Variants in PCDHGB2 observed in about 807,000 individuals in gnomAD.
PCDHGB2 encodes protocadherin gamma-B2.
In PCDHGB2, 55 loss-of-function variants were observed where a neutral mutation model predicts 59.3. The observed-to-expected ratio is 0.93, with a 90% CI of 0.75 to 1.16. The LOEUF (loss-of-function observed/expected upper bound fraction) is 1.16, where lower values mean the gene tolerates loss of function less well. Among genes scored for constraint, PCDHGB2 ranks in the 50% most tolerant of loss-of-function variants. The pLI is 0.00. For missense variants in PCDHGB2, 1,228 were observed against 1,198.5 expected, an observed-to-expected ratio of 1.02 and a Z score of -0.36; for synonymous variants, 516 against 512.0, an observed-to-expected ratio of 1.01 and a Z score of -0.11.
chr5:141,433,199 ATCT>A (rs1202688924), intron 1 of PCDHGB2: 4 of 1,579,570 alleles, frequency 2.5e-6, no homozygotes, highest in East Asian at 2.2e-5. Context: ...TTTATATCAA[ATCT>A]TCTTTCTTTT....
chr5:141,469,747 C>T (rs1392088794), intron 1 of PCDHGB2, among the ~76,000 whole-genome samples: 1 of 152,134 alleles, frequency 6.6e-6, no homozygotes, highest in Non-Finnish European at 1.5e-5. Context: ...TCAAAAATTA[C>T]AAAAATACAT....
chr5:141,409,060 G>C (rs1464240645), intron 1 of PCDHGB2: 1 of 1,614,000 alleles, frequency 6.2e-7, no homozygotes, highest in Non-Finnish European at 8.5e-7. Flanking sequence ...GCACTGCCCA[G>C]AGCACAAAAC....
At chr5:141,392,820 G>T in intron 1 of PCDHGB2, 1 of 1,592,868 alleles carries the variant, frequency 6.3e-7, no homozygotes. Flanking sequence ...AACAATGGCC[G>T]CTCCACAGAG....
intron 1 of PCDHGB2, among the ~76,000 whole-genome samples, chr5:141,456,363 G>A (rs1233146015): frequency 6.6e-6 from 1 of 152,098 alleles, no homozygotes; most frequent in African/African-American, 2.4e-5. Flanking sequence ...GTCCATGTGT[G>A]GTTCAGTTTA....
chr5:141,413,588 A>G, intron 1 of PCDHGB2: 1 of 1,613,922 alleles, frequency 6.2e-7, no homozygotes, highest in Non-Finnish European at 8.5e-7. Context: ...CCAAAATTCC[A>G]AGCAGAAAAT....
chr5:141,383,098 A>T, intron 1 of PCDHGB2: 2 of 1,613,954 alleles, frequency 1.2e-6, no homozygotes, highest in Non-Finnish European at 1.7e-6. Context: ...AGTCCGCATC[A>T]TCTCCAGAGG....
chr5:141,411,299 G>C (rs1020908131), intron 1 of PCDHGB2: 1 of 152,284 alleles, frequency 6.6e-6, no homozygotes, highest in Non-Finnish European at 1.5e-5. Context: ...GACAGGCCCA[G>C]TGGCTCACAC....
At position 141,362,368 on chromosome 5, in the gene PCDHGB2, G is replaced by A. The variant is rs751597172; in HGVS notation, c.2233G>A (p.Glu745Lys). The change falls in exon 1 of 4, where the codon GAG becomes AAG. Residue 745 changes from glutamate (E) to lysine (K), a missense_variant. Physicochemically the swap from Glu to Lys is moderately conservative, Grantham distance 56 (BLOSUM62 1). Around this residue, in one of 3 missense-constraint regions of PCDHGB2, gnomAD observed 433 missense variants for 441.8 expected, o/e 0.98. Coordinates refer to ENST00000522605, the MANE Select transcript of PCDHGB2 (RefSeq NM_018923.3). ...PGPGVLPNYSEGTLPYSYNLC... is the reference protein window; with the variant it reads ...PGPGVLPNYSKGTLPYSYNLC... ...ACCTGGGGTTCTCCCCAATTACAGT[G>A]AGGGTACATTGCCCTATTCCTACAA... 6.2e-7 allele frequency: 1 copy of A among 1,613,950 alleles called. No homozygotes were observed. Among genetic ancestry groups the A allele is most frequent in the Non-Finnish European group, 8.5e-7 (1 of 1,179,906 alleles).
At chr5:141,413,001 G>C in intron 1 of PCDHGB2, 1 of 592,908 alleles carries the variant, frequency 1.7e-6, no homozygotes, top group Non-Finnish European at 2.8e-6. Flanking sequence ...CGGATTCTCA[G>C]GGCTTCAACT....
intron 1 of PCDHGB2, chr5:141,404,577 T>C (rs2094542300): frequency 6.2e-7 from 1 of 1,613,954 alleles, no homozygotes; most frequent in South Asian, 1.1e-5. Context: ...AGCCCACCAC[T>C]TAGCAGCAAT....
At chr5:141,372,282 C>G (rs1163647309) in intron 1 of PCDHGB2, 3 of 1,613,202 alleles carry the variant, frequency 1.9e-6, no homozygotes, top group East Asian at 2.2e-5. Flanking sequence ...GCGCACGGCG[C>G]GTACCTTGGG....
In PCDHGB2 at chr5:141,486,697, C is replaced by T. The variant is rs146956400; in HGVS notation, c.2422-8110C>T. 89 of 1,614,058 alleles carry T rather than the reference C, an allele frequency of 5.5e-5. No homozygotes were observed. Among genetic ancestry groups the T allele is most frequent in the Non-Finnish European group, 7.4e-5 (87 of 1,180,040 alleles). ...GAGATGTATCAGCTTCCTCTTTCAT[C>T]TCTCTGAACCCCCAGACAGGAGCTG... On this transcript the variant is annotated intron_variant, in intron 1 of 3. Coordinates refer to ENST00000522605, the MANE Select transcript of PCDHGB2 (RefSeq NM_018923.3). The surrounding 1 kb of genome is among the most constrained non-coding windows in gnomAD (Gnocchi z 5.0).
At chr5:141,430,635 T>C (rs1561846344) in intron 1 of PCDHGB2, 1 of 881,828 alleles carries the variant, frequency 1.1e-6, no homozygotes, top group African/African-American at 1.7e-5. Context: ...GAACCATCCC[T>C]GGGAGTATGT....
At chr5:141,467,699 T>A (rs1368755814) in intron 1 of PCDHGB2, among the ~76,000 whole-genome samples, 1 of 152,194 alleles carries the variant, frequency 6.6e-6, no homozygotes, top group Non-Finnish European at 1.5e-5. Context: ...TCTGGCTCTG[T>A]TGCCCAGGCT....
In PCDHGB2 at chr5:141,374,048, C is replaced by T. The variant is rs1406796976; in HGVS notation, c.2421+11492C>T. ...AAAGTGATGCAGATCTGTTCTTCCT[C>T]TTCTTAATCCCAGAGAAGTTCCTAA... On this transcript the variant is annotated intron_variant, in intron 1 of 3. Coordinates refer to ENST00000522605, the MANE Select transcript of PCDHGB2 (RefSeq NM_018923.3). The T allele has an allele frequency of 4.8e-6, 7 of 1,471,096 alleles. No homozygotes were observed. In the East Asian group the frequency reaches 1.4e-4, roughly 30 times the overall value. 91.1% of individuals were successfully genotyped at this position (1,471,096 alleles called of 1,614,324 possible).
At chr5:141,474,524 C>G (rs1260642402) in intron 1 of PCDHGB2, among the ~76,000 whole-genome samples, 1 of 152,170 alleles carries the variant, frequency 6.6e-6, no homozygotes, top group Non-Finnish European at 1.5e-5. Flanking sequence ...GCTGGTCTGG[C>G]TAATTATCAA....
chr5:141,432,035 G>C lies in PCDHGB2; in HGVS notation c.2422-62772G>C. 6 of 1,614,218 alleles carry C rather than the reference G, an allele frequency of 3.7e-6. No homozygotes were observed. Among genetic ancestry groups the C allele is most frequent in the Non-Finnish European group, 5.1e-6 (6 of 1,180,046 alleles). ...CTACAACATCACAGTGACCGCCACT[G>C]ACCGGGGAACCCCGCCCCTATCCAC... On this transcript the variant is annotated intron_variant, in intron 1 of 3. Coordinates refer to ENST00000522605, the MANE Select transcript of PCDHGB2 (RefSeq NM_018923.3). The surrounding 1 kb of genome is among the most constrained non-coding windows in gnomAD (Gnocchi z 6.0).
intron 1 of PCDHGB2, among the ~76,000 whole-genome samples, chr5:141,443,722 C>G (rs2098401001): frequency 6.6e-6 from 1 of 152,012 alleles, no homozygotes; most frequent in Admixed American, 6.6e-5. Context: ...TATAAAATTC[C>G]TCATACATTT....
chr5:141,409,045 C>T (rs1228603483), intron 1 of PCDHGB2: 1 of 1,613,878 alleles, frequency 6.2e-7, no homozygotes, highest in Non-Finnish European at 8.5e-7. Flanking sequence ...ACTACTACTT[C>T]CGAAGCACTG....
Sources: allele counts gnomAD v4.1 joint callset (sites outside exome capture counted in the v4.1 genomes callset), GRCh38; gene constraint gnomAD v4.1.1; regional missense constraint gnomAD v4.1.1; non-coding constraint Gnocchi (gnomAD v3.1); transcripts MANE v1.5; gene names NCBI Gene and HGNC (gene_info 2026-07-23, HGNC 2026-07-21).